CHID1: variants seen among roughly 807,000 people sequenced by gnomAD.
CHID1 encodes chitinase domain-containing protein 1.
CHID1 carries 44 observed loss-of-function variants against 55.4 expected under a neutral mutation model. The ratio of observed to expected loss-of-function variants is 0.79; its 90% CI spans 0.62 to 1.02. The LOEUF is 1.02. Among genes scored for constraint, CHID1 ranks in the 50% least tolerant of loss-of-function variants. The pLI, the probability that CHID1 is intolerant of heterozygous loss-of-function variation, is 0.00. For synonymous variants in CHID1, 216 were observed against 212.9 expected (o/e 1.01, Z -0.13); for missense variants, 491 against 515.3 (o/e 0.95, Z 0.46).
chr11:879,182 G>A (rs1022485811), intron 10 of CHID1, among the ~76,000 whole-genome samples: 4 of 152,108 alleles, frequency 2.6e-5, no homozygotes, highest in Non-Finnish European at 4.4e-5. Context: ...AGTAGAGACG[G>A]GGTTTCACTA....
At chr11:876,425 G>A (rs1258246742) in intron 10 of CHID1, among the ~76,000 whole-genome samples, 3 of 152,204 alleles carry the variant, frequency 2.0e-5, no homozygotes, top group Admixed American at 2.0e-4. Context: ...CCAGGGTCAG[G>A]AAGAATGTTC....
intron 7 of CHID1, among the ~76,000 whole-genome samples, chr11:898,832 G>C (rs1004652401): frequency 6.6e-6 from 1 of 152,188 alleles, no homozygotes; most frequent in Non-Finnish European, 1.5e-5. Context: ...TGCTGTGGCC[G>C]CCTCCCGGTG....
At chr11:908,665 A>C (rs1339207328) in intron 1 of CHID1, 3 of 966,550 alleles carry the variant, frequency 3.1e-6, no homozygotes, top group Middle Eastern at 5.3e-4. Context: ...GGAGGAAGGA[A>C]AGGAATGAAA....
At position 899,781 on chromosome 11, in the gene CHID1, G is replaced by A. The variant is rs528420707; in HGVS notation, c.546+223C>T. Reference sequence around the variant, plus strand: ...GGGAAGAACCCTGGCCCAGCAGACAGGTCTCCCATGCCTGGGACCTCCAGA... The same window carrying A: ...GGGAAGAACCCTGGCCCAGCAGACAAGTCTCCCATGCCTGGGACCTCCAGA... On this transcript the variant is annotated intron_variant, in intron 6 of 12. Transcript: ENST00000323578. Among the ~76,000 whole-genome samples, 7 of 152,352 alleles carry A rather than the reference G, an allele frequency of 4.6e-5. No individual in the cohort carries two copies. In the South Asian group the frequency reaches 1.4e-3, roughly 32 times the overall value.
upstream of CHID1, among the ~76,000 whole-genome samples, chr11:912,294 G>A (rs1852739091): frequency 6.6e-6 from 1 of 152,096 alleles, no homozygotes; most frequent in African/African-American, 2.4e-5. Context: ...CAGCCTGGGT[G>A]ATAAAGTAAG....
rs562145477 is a variant in CHID1, at chr11:875,837, C to T, written c.960-5338G>A. On this transcript the variant is annotated intron_variant, in intron 10 of 12. Coordinates refer to ENST00000323578, the MANE Select transcript of CHID1 (RefSeq NM_023947.4). The surrounding 1 kb of genome is among the most constrained non-coding windows in gnomAD (Gnocchi z 4.7). ...TCCCTGCTGCTGCCGGCCTCCCAGA[C>T]GTCCCCTGGCGGGTGACAGACAGGA... Among the ~76,000 whole-genome samples, 2 of 152,238 alleles carry T rather than the reference C, an allele frequency of 1.3e-5. No individual in the cohort carries two copies. Among genetic ancestry groups the T allele is most frequent in the East Asian group, 1.9e-4 (1 of 5,168 alleles).
intron 10 of CHID1, among the ~76,000 whole-genome samples, chr11:872,002 C>A (rs889336816): frequency 3.3e-5 from 5 of 152,210 alleles, no homozygotes; most frequent in African/African-American, 4.8e-5. Flanking sequence ...GCCACCCCCC[C>A]AGCAGTGCTC....
At chr11:899,983 G>A (rs767128758) in intron 6 of CHID1, 21 bp downstream of exon 6, 3 of 1,580,362 alleles carry the variant, frequency 1.9e-6, no homozygotes, top group Non-Finnish European at 2.6e-6. Flanking sequence ...CTCAGAGGCT[G>A]GAGCAGCACA....
chr11:885,767 C>T lies in CHID1; in HGVS notation c.702-1598G>A, dbSNP rs992962118. Among the ~76,000 whole-genome samples the T allele has an allele frequency of 2.6e-5, 4 of 152,204 alleles. No individual in the cohort carries two copies. In the East Asian group the frequency reaches 7.7e-4, roughly 29 times the overall value. On this transcript the variant is annotated intron_variant, in intron 8 of 12. Transcript: ENST00000323578. ...TTTCTGAGATGGGGTCTCTATGTCA[C>T]CCAGGCTGGAGTGCAGCGGCACGAT...
At chr11:870,544 C>A (rs900031438) in intron 10 of CHID1, 45 bp from the exon 11 acceptor site, 4 of 1,366,040 alleles carry the variant, frequency 2.9e-6, no homozygotes, top group Non-Finnish European at 4.1e-6. Context: ...CCAGCTCCCC[C>A]ACAGCCCCAC....
rs1437208858 is a variant in CHID1, at chr11:900,417, A to ACT, written c.440-309_440-308dup. On this transcript the variant is annotated intron_variant, in intron 5 of 12. Coordinates refer to ENST00000323578, the MANE Select transcript of CHID1 (RefSeq NM_023947.4). ...CCTTACAGGAGGGAGGCTGGGACAG[A>ACT]CTCTGGCTGCTCCAGCTCAGCCCTG... is the stretch of plus-strand genomic sequence containing the variant. Among the ~76,000 whole-genome samples the ACT allele has an allele frequency of 2.0e-5, 3 of 152,138 alleles. No homozygotes were observed. In the East Asian group the frequency reaches 5.8e-4, roughly 29 times the overall value.
chr11:873,697 G>A (rs1849320639), intron 10 of CHID1, among the ~76,000 whole-genome samples: 2 of 152,168 alleles, frequency 1.3e-5, no homozygotes, highest in Admixed American at 6.5e-5. Flanking sequence ...CTGGAGGTGG[G>A]CACAAGCTAG....
chr11:909,319 T>C (rs1213011609), intron 1 of CHID1, among the ~76,000 whole-genome samples: 1 of 152,220 alleles, frequency 6.6e-6, no homozygotes, highest in Non-Finnish European at 1.5e-5. Context: ...GACCTTCCCT[T>C]GGGCAGAACG....
intron 1 of CHID1, among the ~76,000 whole-genome samples, chr11:906,982 C>T (rs1016504390): frequency 1.3e-5 from 2 of 152,140 alleles, no homozygotes; most frequent in African/African-American, 2.4e-5. Context: ...AAGCCGAGAT[C>T]GCGCAATTGC....
At chr11:872,296 C>G (rs1363858015) in intron 10 of CHID1, among the ~76,000 whole-genome samples, 1 of 152,168 alleles carries the variant, frequency 6.6e-6, no homozygotes, top group African/African-American at 2.4e-5. Flanking sequence ...TAGCTAGGAT[C>G]ACAGCCACCC....
chr11:900,079 G>A lies in CHID1; in HGVS notation c.471C>T (p.Tyr157=), dbSNP rs764630801. Residue 157 remains tyrosine (Y), a synonymous_variant, in exon 6 of 13, where the codon TAC becomes TAT. Transcript: ENST00000323578. ...TGTCTAAGACGTTCCGGAAATCATC[G>A]TAAGTCCAGTCCTCAAACAGGAGCC... is the stretch of plus-strand genomic sequence containing the variant. ...VPRLLFEDWT[Y]DDFRNVLDSE... is the part of the protein sequence containing the mutation. 7.4e-6 allele frequency: 12 copies of A among 1,613,848 alleles called. No individual in the cohort carries two copies. Among genetic ancestry groups the A allele is most frequent in the East Asian group, 2.2e-5 (1 of 44,884 alleles).
chr11:903,828 C>G (rs1018892186), intron 2 of CHID1: 1 of 195,280 alleles, frequency 5.1e-6, no homozygotes, highest in African/African-American at 2.4e-5. Flanking sequence ...ACCATGCTGG[C>G]CAACCACTGC....
chr11:883,323 C>A lies in CHID1; in HGVS notation c.804-20G>T. On this transcript the variant is annotated intron_variant, in intron 9 of 12. Coordinates refer to ENST00000323578, the MANE Select transcript of CHID1 (RefSeq NM_023947.4). ...CCAGGCCTGCAGGGCAAGGGGTGAG[C>A]GAGTTTCAGCAACAGGGAGGGCCCC... 6.3e-7 allele frequency: 1 copy of A among 1,596,614 alleles called. No individual in the cohort carries two copies. The highest frequency in any genetic ancestry group is 8.6e-7 in the Non-Finnish European group (1 of 1,167,698).
rs748585661 is a variant in CHID1, at chr11:870,215, C to T, written c.1041-52G>A. ...ATCCGCTCTGCTGGTTCCAGGCCTC[C>T]TCCCCTCACAGCCAAGGTCCACGGC... On this transcript the variant is annotated intron_variant, in intron 11 of 12. Coordinates refer to ENST00000323578, the MANE Select transcript of CHID1 (RefSeq NM_023947.4). 3.7e-6 allele frequency: 6 copies of T among 1,609,576 alleles called. No individual in the cohort carries two copies. The East Asian group carries it at 6.7e-5, about 18-fold the overall frequency.
Sources: gnomAD v4.1 joint callset for allele counts (sites outside exome capture counted in the v4.1 genomes callset) on GRCh38, gnomAD v4.1.1 for gene constraint, Gnocchi (gnomAD v3.1) non-coding constraint, MANE v1.5 for transcripts, NCBI Gene and HGNC (gene_info 2026-07-23, HGNC 2026-07-21) for gene names.